Variants in MAPRE2 observed in about 807,000 individuals in gnomAD.
The protein encoded by MAPRE2 is microtubule associated protein RP/EB family member 2.
A neutral mutation model predicts 43.2 loss-of-function variants in MAPRE2; 13 were observed. The ratio of observed to expected loss-of-function variants is 0.30; its 90% CI spans 0.20 to 0.48. The LOEUF is 0.48. MAPRE2 is among the 20% of genes least tolerant of loss of function. The probability of loss-of-function intolerance (pLI) is 0.99; values close to 1 mark genes in which losing one functional copy is unlikely to be tolerated. For missense variants in MAPRE2, 161 were observed against 400.2 expected, an observed-to-expected ratio of 0.40 and a Z score of 5.10; for synonymous variants, 135 against 148.8, an observed-to-expected ratio of 0.91 and a Z score of 0.68.
intron 2 of MAPRE2, among the ~76,000 whole-genome samples, chr18:35,019,437 A>C (rs2097040592): frequency 6.6e-6 from 1 of 151,996 alleles, no homozygotes; most frequent in Non-Finnish European, 1.5e-5. Context: ...CAAGTGTTGA[A>C]TTTGAGTCCG....
At chr18:35,126,171 C>G (rs1603403704) in intron 4 of MAPRE2, among the ~76,000 whole-genome samples, 1 of 152,162 alleles carries the variant, frequency 6.6e-6, no homozygotes, top group Non-Finnish European at 1.5e-5. Context: ...ATCTCTTTTT[C>G]AGTCATTATA....
intron 2 of MAPRE2, among the ~76,000 whole-genome samples, chr18:35,008,010 G>A (rs2097032629): frequency 6.6e-6 from 1 of 152,132 alleles, no homozygotes; most frequent in Non-Finnish European, 1.5e-5. Flanking sequence ...GGGAAGGAAG[G>A]TTCTGAAACC....
intron 2 of MAPRE2, among the ~76,000 whole-genome samples, chr18:35,011,099 A>T (rs1446048932): frequency 2.6e-5 from 4 of 152,120 alleles, no homozygotes; most frequent in Non-Finnish European, 4.4e-5. Flanking sequence ...CCTGATGGAG[A>T]TATGGCCCAC....
At chr18:35,138,390 G>A (rs989624252) in intron 6 of MAPRE2, among the ~76,000 whole-genome samples, 3 of 152,170 alleles carry the variant, frequency 2.0e-5, no homozygotes, top group Non-Finnish European at 4.4e-5. Flanking sequence ...GGTGGTCATG[G>A]GGTAGGGAGA....
At position 35,140,357 on chromosome 18, in the gene MAPRE2, G is replaced by A; in HGVS notation, c.972G>A (p.Gln324=). Residue 324 remains glutamine (Q), a synonymous_variant, in exon 7 of 7, where the codon CAG becomes CAA. Transcript: ENST00000300249. ...EQAHEQQPPQ[Q]EEY ...CCCACGAACAGCAGCCCCCGCAGCA[G>A]GAAGAGTACTGACCCACCCCGGCTG... 6.2e-7 allele frequency: 1 copy of A among 1,612,918 alleles called. No homozygotes were observed. The highest frequency in any genetic ancestry group is 8.5e-7 in the Non-Finnish European group (1 of 1,179,534).
chr18:34,985,039 TATATAAAATATATTATATA>T (rs1486334437), intron 1 of MAPRE2, among the ~76,000 whole-genome samples: 34 of 51,358 alleles, frequency 6.6e-4, no homozygotes, highest in Non-Finnish European at 1.1e-3. Context: ...AAATATATAA[TATATAAAATATATTATATA>T]ATATATAAAA....
chr18:35,043,517 A>G (rs1905468483), intron 1 of MAPRE2, among the ~76,000 whole-genome samples: 1 of 152,184 alleles, frequency 6.6e-6, no homozygotes, highest in African/African-American at 2.4e-5. Context: ...AATTTTATTT[A>G]CCTCTTTAAT....
rs1278690274 is a variant in MAPRE2, at chr18:35,131,993, T to A, written c.751-39T>A. 5.0e-6 allele frequency: 8 copies of A among 1,601,326 alleles called. No individual in the cohort carries two copies. In the South Asian group the frequency reaches 7.7e-5, roughly 16 times the overall value. ...TTGCTGGTCATGTCTTATACTATATTTTGGGTGGTTTTTTTTCTTCACTCT... is the reference window on the plus strand; with the variant it reads ...TTGCTGGTCATGTCTTATACTATATATTGGGTGGTTTTTTTTCTTCACTCT... On this transcript the variant is annotated intron_variant, in intron 5 of 6. Transcript: ENST00000300249.
chr18:35,093,364 C>T (rs1328005340), intron 2 of MAPRE2, among the ~76,000 whole-genome samples: 2 of 151,936 alleles, frequency 1.3e-5, no homozygotes, highest in African/African-American at 2.4e-5. Flanking sequence ...ATGGAGGCGC[C>T]TCAAAACACT....
Position 34,985,312 on chromosome 18 carries a change from T to A in MAPRE2, c.-70+8233T>A, listed in dbSNP as rs1323997453. On this transcript the variant is annotated intron_variant, in intron 1 of 7. Coordinates refer to the MAPRE2 transcript ENST00000413393. ...ATATTATATTATATATTGTATATAT[T>A]ATATTATATATATAATATAATATAT... Among the ~76,000 whole-genome samples, 2 of 44,774 alleles carry A rather than the reference T, an allele frequency of 4.5e-5. 1 individual carries two copies. Among genetic ancestry groups the A allele is most frequent in the Non-Finnish European group, 7.3e-5 (2 of 27,286 alleles). The allele number at this position is 44,774 out of a possible 152,430, so 29.4% of individuals were successfully genotyped here. A position where few individuals can be genotyped will look rare whatever the true frequency, so the allele number is the denominator to read the frequency against.
At chr18:35,096,811 A>ATAC (rs1378006448) in intron 2 of MAPRE2, among the ~76,000 whole-genome samples, 2 of 104,260 alleles carry the variant, frequency 1.9e-5, no homozygotes, top group East Asian at 6.2e-4. Context: ...TTAATACTTA[A>ATAC]TAAGTAATAC....
intron 2 of MAPRE2, among the ~76,000 whole-genome samples, chr18:35,077,409 T>A (rs935360817): frequency 3.9e-5 from 6 of 152,190 alleles, no homozygotes; most frequent in African/African-American, 7.2e-5. Flanking sequence ...ATATCACTAA[T>A]TCACAAATGC....
chr18:35,061,541 C>T (rs988226325), intron 1 of MAPRE2, among the ~76,000 whole-genome samples: 2 of 152,152 alleles, frequency 1.3e-5, no homozygotes, highest in Non-Finnish European at 2.9e-5. Context: ...AATCCCATCA[C>T]AGTCATAGAG....
intron 4 of MAPRE2, among the ~76,000 whole-genome samples, chr18:35,112,119 C>T (rs1909201597): frequency 6.6e-6 from 1 of 151,904 alleles, no homozygotes; most frequent in Admixed American, 6.6e-5. Context: ...GACTTCTCTT[C>T]AAATAGATGT....
intron 1 of MAPRE2, among the ~76,000 whole-genome samples, chr18:35,069,936 T>C (rs1364628917): frequency 1.3e-5 from 2 of 152,240 alleles, no homozygotes; most frequent in African/African-American, 4.8e-5. Flanking sequence ...CTCTAAATTG[T>C]GTTATAAATT....
chr18:35,132,208 G>A lies in MAPRE2; in HGVS notation c.909+18G>A, dbSNP rs1466420072. ...AAGAACACGTAAGTGTGAGGAGCAT[G>A]TGACTCCTGTGTTCTAAAATGACTC... On this transcript the variant is annotated intron_variant, in intron 6 of 6. Transcript: ENST00000300249. 5.6e-6 allele frequency: 9 copies of A among 1,611,944 alleles called. No individual in the cohort carries two copies. Among genetic ancestry groups the A allele is most frequent in the Non-Finnish European group, 6.8e-6 (8 of 1,178,588 alleles).
chr18:34,982,778 G>A (rs890861753), intron 1 of MAPRE2, among the ~76,000 whole-genome samples: 9 of 152,090 alleles, frequency 5.9e-5, no homozygotes, highest in Non-Finnish European at 1.3e-4. Flanking sequence ...TAAAACTCAC[G>A]ACTCCATCTG....
chr18:35,136,207 C>G (rs1282890041), intron 6 of MAPRE2, among the ~76,000 whole-genome samples: 1 of 152,170 alleles, frequency 6.6e-6, no homozygotes, highest in Non-Finnish European at 1.5e-5. Flanking sequence ...TGATACGTAA[C>G]TTGGAGCCAC....
At chr18:35,105,890 A>G (rs1050714746) in intron 4 of MAPRE2, among the ~76,000 whole-genome samples, 2 of 152,142 alleles carry the variant, frequency 1.3e-5, no homozygotes, top group African/African-American at 2.4e-5. Flanking sequence ...GCAGTCATCA[A>G]TACTCTCATA....
Sources: allele counts gnomAD v4.1 joint callset (sites outside exome capture counted in the v4.1 genomes callset), GRCh38; gene constraint gnomAD v4.1.1; transcripts MANE v1.5; gene names NCBI Gene and HGNC (gene_info 2026-07-23, HGNC 2026-07-21).